Variants in DOCK5 observed in about 807,000 individuals in gnomAD.
DOCK5 encodes dedicator of cytokinesis 5, also known as dedicator of cytokinesis protein 5.
A neutral mutation model predicts 251.8 loss-of-function variants in DOCK5; 142 were observed. The observed-to-expected ratio is 0.56, with a 90% CI of 0.49 to 0.65. DOCK5 has a LOEUF of 0.65. Among genes scored for constraint, DOCK5 ranks in the 30% least tolerant of loss-of-function variants. The pLI is 0.00. For missense variants in DOCK5, 2,111 were observed against 2,312.3 expected, an observed-to-expected ratio of 0.91 and a Z score of 1.79; for synonymous variants, 842 against 835.5, an observed-to-expected ratio of 1.01 and a Z score of -0.13.
chr8:25,199,756 C>G (rs1212505790), intron 1 of DOCK5, among the ~76,000 whole-genome samples: 1 of 152,200 alleles, frequency 6.6e-6, no homozygotes, highest in Non-Finnish European at 1.5e-5. Context: ...TCTTCTCATG[C>G]AGAGACAATC....
At position 25,366,940 on chromosome 8, in the gene DOCK5, C is replaced by T. The variant is rs1271833330; in HGVS notation, c.3194C>T (p.Ser1065Leu). 2 of 1,613,844 alleles carry T rather than the reference C, an allele frequency of 1.2e-6. No individual in the cohort carries two copies. The highest frequency in any genetic ancestry group is 8.5e-7 in the Non-Finnish European group (1 of 1,179,792). Residue 1065 changes from serine to leucine, a missense_variant, in exon 31 of 52, where the codon TCA becomes TTA. Transcript: ENST00000276440. Reference protein sequence around the residue: ...THESLQLETFSQAKRNKIVKK... With the variant: ...THESLQLETFLQAKRNKIVKK... ...GAGTCCCTTCAGCTTGAAACCTTCT[C>T]ACAAGCCAAGCGCAACAAAATTGTT...
intron 46 of DOCK5, 114 bp from the exon 47 acceptor site, chr8:25,400,815 C>T (rs1260123471): frequency 8.3e-7 from 1 of 1,208,962 alleles, no homozygotes; most frequent in South Asian, 1.4e-5. Flanking sequence ...TTCCCATTGG[C>T]CAGCACTATG....
chr8:25,405,625 A>G lies in DOCK5; in HGVS notation c.5093+1901A>G, dbSNP rs150925132. On this transcript the variant is annotated intron_variant, in intron 48 of 51. Transcript: ENST00000276440. ...AGAATTTAATCTGGCTAGTGTCGCT[A>G]TTGCTCACTGTTAGATTAACTTGTC... Among the ~76,000 whole-genome samples, 519 of 152,196 alleles carry G rather than the reference A, an allele frequency of 3.4e-3. 3 individuals carry two copies. Among genetic ancestry groups the G allele is most frequent in the South Asian group, 0.028 (136 of 4,828 alleles).
chr8:25,396,363 G>A (rs928856638), intron 45 of DOCK5, among the ~76,000 whole-genome samples: 16 of 152,038 alleles, frequency 1.1e-4, no homozygotes, highest in African/African-American at 3.6e-4. Context: ...CTTGGGTGGC[G>A]GAATTAGCTT....
chr8:25,378,350 C>T (rs1042210556), intron 38 of DOCK5, among the ~76,000 whole-genome samples: 2 of 152,220 alleles, frequency 1.3e-5, no homozygotes, highest in Non-Finnish European at 2.9e-5. Context: ...AGACCAGATA[C>T]ATGATTTAAT....
At chr8:25,266,913 T>A (rs1413232773) in intron 2 of DOCK5, among the ~76,000 whole-genome samples, 1 of 152,210 alleles carries the variant, frequency 6.6e-6, no homozygotes, top group Admixed American at 6.5e-5. Flanking sequence ...TGCAAAATAC[T>A]GTTTACAAAC....
At chr8:25,264,732 CA>C (rs1327450505) in intron 2 of DOCK5, among the ~76,000 whole-genome samples, 4 of 151,742 alleles carry the variant, frequency 2.6e-5, no homozygotes. Flanking sequence ...AAGGATGAAC[CA>C]TGAGAATTTC....
intron 2 of DOCK5, among the ~76,000 whole-genome samples, chr8:25,259,689 G>A (rs1329703136): frequency 4.6e-5 from 7 of 152,124 alleles, no homozygotes; most frequent in Admixed American, 3.3e-4. Context: ...TTGAACTCCT[G>A]TCCTCAAGCG....
At chr8:25,198,558 C>T (rs1014183859) in intron 1 of DOCK5, among the ~76,000 whole-genome samples, 8 of 132,752 alleles carry the variant, frequency 6.0e-5, no homozygotes, top group Admixed American at 8.4e-5. Context: ...GGCAACAGAG[C>T]GAGACTCCAT....
rs960054086 is a variant in DOCK5 at position 25,403,466 on chromosome 8, A to G, written c.4927-92A>G. On this transcript the variant is annotated intron_variant, in intron 47 of 51. Coordinates refer to ENST00000276440, the MANE Select transcript of DOCK5 (RefSeq NM_024940.8). ...AGCCACATAACCAGTACAGATGGGT[A>G]CTGGTTAGCCACAAGCAAACAGGGC... is the stretch of plus-strand genomic sequence containing the variant. 2.2e-6 allele frequency: 3 copies of G among 1,378,906 alleles called. No individual in the cohort carries two copies. The Admixed American group carries it at 5.4e-5, about 25-fold the overall frequency. 85.4% of individuals were successfully genotyped at this position (1,378,906 alleles called of 1,614,324 possible).
In DOCK5 at chr8:25,406,916, G is replaced by C. The variant is rs1041552577; in HGVS notation, c.5094-1067G>C. Among the ~76,000 whole-genome samples the C allele has an allele frequency of 3.7e-4, 56 of 151,948 alleles. 1 individual carries two copies. Among genetic ancestry groups the C allele is most frequent in the Non-Finnish European group, 1.2e-4 (8 of 68,010 alleles). ...GCTGGGATTACAGGCGTGAGCCACC[G>C]TGCCTGGCTGTGTAATCTTTATTAC... On this transcript the variant is annotated intron_variant, in intron 48 of 51. Transcript: ENST00000276440.
At chr8:25,375,565 T>TAA (rs1800949479) in intron 37 of DOCK5, 2 of 453,268 alleles carry the variant, frequency 4.4e-6, no homozygotes, top group South Asian at 9.5e-5. Context: ...TCTCCCTGAC[T>TAA]ACCACCTTGG....
intron 1 of DOCK5, among the ~76,000 whole-genome samples, chr8:25,226,466 G>A (rs1389097222): frequency 2.0e-5 from 3 of 151,870 alleles, no homozygotes; most frequent in African/African-American, 7.3e-5. Flanking sequence ...GTTTCGCCAT[G>A]TTGGCCAGGC....
At chr8:25,220,069 G>A (rs1031670197) in intron 1 of DOCK5, among the ~76,000 whole-genome samples, 17 of 150,794 alleles carry the variant, frequency 1.1e-4, no homozygotes, top group Non-Finnish European at 1.9e-4. Flanking sequence ...CATCTTCTCT[G>A]CAGGTATCAA....
In DOCK5 at chr8:25,403,535, C is replaced by G. The variant is rs776316545; in HGVS notation, c.4927-23C>G. On this transcript the variant is annotated intron_variant, in intron 47 of 51. Transcript: ENST00000276440. ...GGGGCTGGATTCCAGGTCCGCTAAC[C>G]ATGTGGAGTCATATGTTTTCAGCCA... 6 of 1,612,116 alleles carry G rather than the reference C, an allele frequency of 3.7e-6. No individual in the cohort carries two copies. In the African/African-American group the frequency reaches 6.7e-5, roughly 18 times the overall value.
rs752356497 is a variant in DOCK5, at chr8:25,342,407, C to G, written c.2517C>G (p.Leu839=). The change falls in exon 25 of 52, where the codon CTC becomes CTG. Residue 839 remains leucine, a synonymous_variant. Coordinates refer to ENST00000276440, the MANE Select transcript of DOCK5 (RefSeq NM_024940.8). The stretch of plus-strand genomic sequence containing the variant: ...CCTGAGGTTTCTCTCCCAGCGTGCT[C>G]TTCTGCAAATTCATTCAAAGCATTC... ...LVFDPVELSV[L]FCKFIQSIPD... The G allele has an allele frequency of 1.9e-6, 3 of 1,590,032 alleles. No homozygotes were observed. The highest frequency in any genetic ancestry group is 1.7e-5 in the Admixed American group (1 of 57,146).
In DOCK5 at chr8:25,368,257, G is replaced by A. The variant is rs370201568; in HGVS notation, c.3283+7G>A. On this transcript the variant is annotated splice_region_variant and intron_variant, in intron 32 of 51. Transcript: ENST00000276440. ...GACATGTGGTATAACCTGGGTGAGT[G>A]TCTAGCCTTGAACAGGCCTGATCAC... 5 of 1,610,920 alleles carry A rather than the reference G, an allele frequency of 3.1e-6. No individual in the cohort carries two copies. In the African/African-American group the frequency reaches 4.0e-5, roughly 13 times the overall value.
At chr8:25,299,800 T>C (rs1231554948) in intron 8 of DOCK5, among the ~76,000 whole-genome samples, 1 of 152,156 alleles carries the variant, frequency 6.6e-6, no homozygotes, top group Non-Finnish European at 1.5e-5. Flanking sequence ...GCTAAGAAAA[T>C]GGAGAATTTA....
intron 2 of DOCK5, among the ~76,000 whole-genome samples, chr8:25,261,277 G>A (rs1207459817): frequency 7.2e-5 from 11 of 152,146 alleles, no homozygotes; most frequent in Admixed American, 7.2e-4. Flanking sequence ...TGAATACCCT[G>A]CTTTCCTAAC....
Sources: gnomAD v4.1 joint callset for allele counts (sites outside exome capture counted in the v4.1 genomes callset) on GRCh38, gnomAD v4.1.1 for gene constraint, MANE v1.5 for transcripts, NCBI Gene and HGNC (gene_info 2026-07-23, HGNC 2026-07-21) for gene names.